Variants in STARD10 observed in about 807,000 individuals in gnomAD.
STARD10 encodes StAR related lipid transfer domain containing 10, also known as START domain-containing protein 10.
A neutral mutation model predicts 36.0 loss-of-function variants in STARD10; 24 were observed. That is an observed-to-expected ratio of 0.67 (90% confidence interval 0.48 to 0.94). The LOEUF is 0.94. STARD10 is among the 40% of genes least tolerant of loss of function. The pLI is 0.00. For synonymous variants in STARD10, 156 were observed against 161.9 expected (o/e 0.96, Z 0.28); for missense variants, 335 against 396.6 (o/e 0.84, Z 1.32).
At chr11:72,790,724 T>C (rs989942312) in intron 1 of STARD10, among the ~76,000 whole-genome samples, 1 of 152,228 alleles carries the variant, frequency 6.6e-6, no homozygotes, top group Non-Finnish European at 1.5e-5. Context: ...GTAAAAACCA[T>C]CTTCACTCTT....
intron 1 of STARD10, among the ~76,000 whole-genome samples, chr11:72,791,045 T>C (rs969964596): frequency 4.6e-5 from 7 of 152,250 alleles, no homozygotes; most frequent in African/African-American, 1.2e-4. Flanking sequence ...TGCTGGTCTA[T>C]GCACTTAACA....
intron 1 of STARD10, among the ~76,000 whole-genome samples, chr11:72,784,972 G>A (rs1859053390): frequency 6.6e-6 from 1 of 152,246 alleles, no homozygotes; most frequent in Admixed American, 6.5e-5. Flanking sequence ...GCATCACACA[G>A]CAAGTCAGAA....
At chr11:72,766,665 G>C (rs1858795627) in intron 2 of STARD10, among the ~76,000 whole-genome samples, 1 of 152,126 alleles carries the variant, frequency 6.6e-6, no homozygotes, top group Admixed American at 6.6e-5. Context: ...CCAGTGCTGA[G>C]CATTAGAGAA....
intron 1 of STARD10, among the ~76,000 whole-genome samples, chr11:72,785,435 C>T (rs1348669724): frequency 1.3e-5 from 2 of 151,742 alleles, no homozygotes; most frequent in South Asian, 2.1e-4. Context: ...TGTGGTGGCA[C>T]GCACCTGGGA....
At chr11:72,755,249 A>G in intron 6 of STARD10, 107 bp from the exon 7 acceptor site, 1 of 1,320,698 alleles carries the variant, frequency 7.6e-7, no homozygotes, top group Non-Finnish European at 1.0e-6. Flanking sequence ...CTCCCTTTCA[A>G]AACTTCACTC....
chr11:72,764,780 C>T (rs1431806906), intron 2 of STARD10, among the ~76,000 whole-genome samples: 2 of 152,218 alleles, frequency 1.3e-5, no homozygotes, highest in African/African-American at 4.8e-5. Context: ...CTATTAGGCC[C>T]TGGCTGAGTG....
chr11:72,759,874 T>G (rs183709208), intron 2 of STARD10, among the ~76,000 whole-genome samples: 3 of 110,578 alleles, frequency 2.7e-5, no homozygotes, highest in African/African-American at 6.6e-5. Context: ...ATTTGTGGTT[T>G]GTTTGTTTGT....
At chr11:72,773,140 G>A (rs1190377604) in intron 2 of STARD10, among the ~76,000 whole-genome samples, 1 of 152,204 alleles carries the variant, frequency 6.6e-6, no homozygotes, top group Non-Finnish European at 1.5e-5. Context: ...TAAGGACAGA[G>A]TAACCTTAAG....
intron 2 of STARD10, chr11:72,780,095 TGGA>T (rs1241111281): frequency 2.6e-6 from 1 of 381,696 alleles, no homozygotes; most frequent in Admixed American, 3.0e-5. Flanking sequence ...CTACCAGCCC[TGGA>T]AATGCAGCAC....
At chr11:72,783,129 G>T (rs1463112600) in intron 1 of STARD10, among the ~76,000 whole-genome samples, 1 of 152,190 alleles carries the variant, frequency 6.6e-6, no homozygotes, top group Non-Finnish European at 1.5e-5. Flanking sequence ...GATTTGTCAC[G>T]GTGCTTCACA....
rs768918204 is a variant in STARD10, at chr11:72,754,914, C to CGTCGTCGCT, written c.850_858dup (p.Ser284_Asp286dup). ...TGCGGCGCTCAGGTGAGCGAGGTGT[C>CGTCGTCGCT]GTCGTCGCTGCCCTCGCCGCCCGCG... On this transcript the variant is annotated inframe_insertion, in exon 7 of 7. Transcript: ENST00000334805. 6.3e-7 allele frequency: 1 copy of CGTCGTCGCT among 1,599,876 alleles called. No homozygotes were observed. The highest frequency in any genetic ancestry group is 1.1e-5 in the South Asian group (1 of 90,680).
chr11:72,755,121 C>G lies in STARD10; in HGVS notation c.652G>C (p.Ala218Pro). Residue 218 changes from alanine to proline, a missense_variant, in exon 7 of 7, where the codon GCG becomes CCG. By Grantham distance (27) the Ala-to-Pro change is conservative. Transcript: ENST00000334805. ...APKAMKKMYK[A>P]CLKYPEWKQK... The stretch of plus-strand genomic sequence containing the variant: ...TTCCACTCGGGGTACTTGAGGCACG[C>G]CTTGTACATCTTCTTCATGGCCTGT... The G allele has an allele frequency of 1.2e-6, 2 of 1,613,102 alleles. No individual in the cohort carries two copies.
intron 1 of STARD10, among the ~76,000 whole-genome samples, chr11:72,783,770 C>G (rs1469829463): frequency 6.6e-6 from 1 of 152,124 alleles, no homozygotes; most frequent in Non-Finnish European, 1.5e-5. Context: ...CTCATACCCA[C>G]CATCCAGTCC....
In STARD10 at chr11:72,777,433, CTGGTTGAATGACTGACAGAAGCTCT is replaced by C. The variant is rs551296790; in HGVS notation, c.207+3517_207+3541del. ...AGCCAGGACTGGACCCCAGCTGGCCCTGGTTGAATGACTGACAGAAGCTCTTGGTCTCCCGTTTCTCACACCAATA... is the reference window on the plus strand; with the variant it reads ...AGCCAGGACTGGACCCCAGCTGGCCCTGGTCTCCCGTTTCTCACACCAATA... On this transcript the variant is annotated intron_variant, in intron 2 of 6. Coordinates refer to ENST00000334805, the MANE Select transcript of STARD10 (RefSeq NM_006645.3). Among the ~76,000 whole-genome samples the C allele has an allele frequency of 4.7e-3, 723 of 152,372 alleles. 10 individuals carry two copies. The highest frequency in any genetic ancestry group is 0.046 in the South Asian group (224 of 4,834).
chr11:72,788,464 G>A (rs936722914), intron 1 of STARD10, among the ~76,000 whole-genome samples: 2 of 152,168 alleles, frequency 1.3e-5, no homozygotes, highest in Non-Finnish European at 1.5e-5. Flanking sequence ...GCACTGCAAG[G>A]TTTCTCAATG....
chr11:72,791,228 G>T (rs933361397), intron 1 of STARD10, among the ~76,000 whole-genome samples: 2 of 152,126 alleles, frequency 1.3e-5, no homozygotes, highest in African/African-American at 4.8e-5. Context: ...TCACTGGGAG[G>T]GCTGGTTAAA....
chr11:72,762,450 A>G (rs1441949003), intron 2 of STARD10, among the ~76,000 whole-genome samples: 1 of 152,090 alleles, frequency 6.6e-6, no homozygotes, highest in Non-Finnish European at 1.5e-5. Flanking sequence ...TCGAGACTGC[A>G]ATATTGTTTG....
At chr11:72,788,749 G>A (rs576778087) in intron 1 of STARD10, among the ~76,000 whole-genome samples, 9 of 152,226 alleles carry the variant, frequency 5.9e-5, no homozygotes, top group African/African-American at 2.2e-4. Flanking sequence ...TTTTAGTAGA[G>A]ATGAGGTTTC....
intron 1 of STARD10, among the ~76,000 whole-genome samples, chr11:72,785,630 C>T (rs752349930): frequency 4.6e-5 from 7 of 151,068 alleles, no homozygotes; most frequent in Non-Finnish European, 7.4e-5. Context: ...CCTGAGGGTC[C>T]TGTTCCTCCC....
Sources: allele counts gnomAD v4.1 joint callset (sites outside exome capture counted in the v4.1 genomes callset), GRCh38; gene constraint gnomAD v4.1.1; transcripts MANE v1.5; gene names NCBI Gene and HGNC (gene_info 2026-07-23, HGNC 2026-07-21).